The following FARP1 variants were observed in gnomAD, a reference collection of about 807,000 sequenced individuals.
The protein encoded by FARP1 is FERM, ARHGEF and pleckstrin domain-containing protein 1.
A neutral mutation model predicts 128.8 loss-of-function variants in FARP1; 52 were observed. The ratio of observed to expected loss-of-function variants is 0.40; its 90% CI spans 0.32 to 0.51. The LOEUF (loss-of-function observed/expected upper bound fraction) is 0.51, where lower values mean the gene tolerates loss of function less well. Ranked by LOEUF, FARP1 falls within the 20% of genes least tolerant of loss-of-function variation. The probability of loss-of-function intolerance (pLI) is 0.45; values close to 1 mark genes in which losing one functional copy is unlikely to be tolerated. For synonymous variants in FARP1, 580 were observed against 551.8 expected (o/e 1.05, Z -0.72); for missense variants, 1,333 against 1,367.9 (o/e 0.97, Z 0.40).
At chr13:98,331,722 A>G (rs1413745193) in intron 2 of FARP1, 1 of 152,172 alleles carries the variant, frequency 6.6e-6, no homozygotes, top group Non-Finnish European at 1.5e-5. Flanking sequence ...TCATCATTCC[A>G]TTGTTCAGAT....
chr13:98,272,323 C>T (rs1271982671), intron 2 of FARP1, among the ~76,000 whole-genome samples: 2 of 152,176 alleles, frequency 1.3e-5, no homozygotes, highest in African/African-American at 4.8e-5. Flanking sequence ...AGCCACCTCT[C>T]CTGGCCAAAA....
intron 2 of FARP1, among the ~76,000 whole-genome samples, chr13:98,260,807 G>T (rs1536902): frequency 0.72 from 109,329 of 152,122 alleles, 43,026 homozygotes; most frequent in East Asian, 0.89. Flanking sequence ...TCTGCTTCTC[G>T]TCAGGTTTTC....
chr13:98,181,240 T>C (rs1293814744), intron 1 of FARP1, among the ~76,000 whole-genome samples: 1 of 152,208 alleles, frequency 6.6e-6, no homozygotes, highest in Non-Finnish European at 1.5e-5. Context: ...ACTTCAGTAA[T>C]TCTGTCAGCT....
At position 98,209,287 on chromosome 13, in the gene FARP1, C is replaced by T. The variant is rs181610126; in HGVS notation, c.-23-3933C>T. On this transcript the variant is annotated intron_variant, in intron 1 of 26. Transcript: ENST00000319562. The stretch of plus-strand genomic sequence containing the variant: ...CCTCCCAAAGTGCTGGGATTACAGG[C>T]GTGAGCCACCGCGCCCAGCCAACTT... 1.6e-3 allele frequency among the ~76,000 whole-genome samples: 243 copies of T among 150,804 alleles called. 2 individuals carry two copies. The highest frequency in any genetic ancestry group is 7.1e-3 in the Admixed American group (107 of 15,044).
chr13:98,202,995 C>T (rs544410959), intron 1 of FARP1, among the ~76,000 whole-genome samples: 2 of 152,328 alleles, frequency 1.3e-5, no homozygotes, highest in South Asian at 4.1e-4. Flanking sequence ...GTTGGGATTA[C>T]AGGCATGAGA....
intron 18 of FARP1, chr13:98,434,461 C>CT (rs1892173520): frequency 6.6e-6 from 1 of 152,200 alleles, no homozygotes; most frequent in African/African-American, 2.4e-5. Flanking sequence ...CCTTCCAACA[C>CT]TGAAATGCTG....
intron 1 of FARP1, among the ~76,000 whole-genome samples, chr13:98,196,654 A>G (rs1219684806): frequency 6.6e-6 from 1 of 152,194 alleles, no homozygotes; most frequent in Non-Finnish European, 1.5e-5. Context: ...TCTCTTGGCT[A>G]GTGATTTTTC....
At chr13:98,396,113 C>T (rs1469199396) in intron 13 of FARP1, 6 of 399,040 alleles carry the variant, frequency 1.5e-5, no homozygotes, top group Admixed American at 4.4e-5. Flanking sequence ...GCATTTACCC[C>T]GGAGGCCATG....
chr13:98,418,275 G>T (rs202146759), intron 16 of FARP1, among the ~76,000 whole-genome samples: 1 of 126,122 alleles, frequency 7.9e-6, no homozygotes, highest in South Asian at 2.5e-4. Context: ...GTTTTGTTTT[G>T]TTTTTTGTTT....
At chr13:98,435,423 T>G (rs1892215933) in intron 18 of FARP1, 153 bp from the exon 19 acceptor site, 1 of 675,722 alleles carries the variant, frequency 1.5e-6, no homozygotes, top group African/African-American at 1.8e-5. Context: ...CAATTTTTAT[T>G]ATAGAGAAAT....
chr13:98,162,884 T>C (rs537233303), intron 1 of FARP1, among the ~76,000 whole-genome samples: 1 of 152,278 alleles, frequency 6.6e-6, no homozygotes, highest in South Asian at 2.1e-4. Flanking sequence ...GAGTGTAAAT[T>C]AGTTCAACCG....
intron 2 of FARP1, among the ~76,000 whole-genome samples, chr13:98,260,654 GTT>G (rs35060667): frequency 2.0e-5 from 3 of 152,098 alleles, no homozygotes; most frequent in Non-Finnish European, 4.4e-5. Flanking sequence ...TTGGTCCCCT[GTT>G]TTTAGAGTTC....
intron 1 of FARP1, among the ~76,000 whole-genome samples, chr13:98,161,255 G>A (rs1418079352): frequency 2.3e-5 from 3 of 132,416 alleles, no homozygotes; most frequent in Middle Eastern, 9.5e-3. Flanking sequence ...TGCTCTTGTT[G>A]CCCAAGCCAG....
chr13:98,437,080 C>T (rs1414978543), intron 19 of FARP1, among the ~76,000 whole-genome samples: 4 of 152,140 alleles, frequency 2.6e-5, no homozygotes, highest in Non-Finnish European at 5.9e-5. Flanking sequence ...ATGAGATTTG[C>T]TCTGTGAAAA....
intron 19 of FARP1, chr13:98,437,742 T>C (rs1297428334): frequency 8.4e-7 from 1 of 1,191,330 alleles, no homozygotes. Flanking sequence ...GCTTTGTCTT[T>C]TTGCTTTCTC....
chr13:98,408,055 AG>A (rs1435742507), intron 13 of FARP1, among the ~76,000 whole-genome samples: 11 of 152,314 alleles, frequency 7.2e-5, no homozygotes, highest in African/African-American at 2.6e-4. Context: ...TGGGAAATTG[AG>A]AAAGCGCTGA....
At chr13:98,246,998 G>C (rs1488269638) in intron 2 of FARP1, among the ~76,000 whole-genome samples, 2 of 152,212 alleles carry the variant, frequency 1.3e-5, no homozygotes, top group African/African-American at 4.8e-5. Flanking sequence ...GGCCAAGGTG[G>C]ACGGATCACC....
At chr13:98,177,331 A>G in intron 1 of FARP1, 1 of 988,642 alleles carries the variant, frequency 1.0e-6, no homozygotes, top group Non-Finnish European at 1.4e-6. Flanking sequence ...CCAGTTCTAA[A>G]AAGCAAAAGC....
intron 2 of FARP1, among the ~76,000 whole-genome samples, chr13:98,342,001 A>G (rs190709216): frequency 1.8e-4 from 27 of 152,354 alleles, no homozygotes; most frequent in African/African-American, 6.3e-4. Context: ...TAAACCATCT[A>G]TAATACAGTG....
Sources: gnomAD v4.1 joint callset for allele counts (sites outside exome capture counted in the v4.1 genomes callset) on GRCh38, gnomAD v4.1.1 for gene constraint, MANE v1.5 for transcripts, NCBI Gene and HGNC (gene_info 2026-07-23, HGNC 2026-07-21) for gene names.